Variants in LGMN observed in about 807,000 individuals in gnomAD.
The protein encoded by LGMN is legumain.
Under a neutral mutation model 56.8 loss-of-function variants are expected in LGMN, and 36 were observed. The ratio of observed to expected loss-of-function variants is 0.63; its 90% confidence interval spans 0.49 to 0.84. The LOEUF is 0.84. Ranked by LOEUF, LGMN falls within the 40% of genes least tolerant of loss-of-function variation. The pLI is 0.00. For missense variants in LGMN, 446 were observed against 556.1 expected, an observed-to-expected ratio of 0.80 and a Z score of 1.99; for synonymous variants, 199 against 210.1, an observed-to-expected ratio of 0.95 and a Z score of 0.46.
At chr14:92,734,391 G>A (rs955006721) in intron 1 of LGMN, among the ~76,000 whole-genome samples, 1 of 152,084 alleles carries the variant, frequency 6.6e-6, no homozygotes, top group Non-Finnish European at 1.5e-5. Flanking sequence ...AAGCGGAGGC[G>A]GATGGACCAC....
chr14:92,704,284 G>A lies in LGMN; in HGVS notation c.*35C>T, dbSNP rs771243327. 9 of 1,613,686 alleles carry A rather than the reference G, an allele frequency of 5.6e-6. No homozygotes were observed. Among genetic ancestry groups the A allele is most frequent in the East Asian group, 2.2e-5 (1 of 44,896 alleles). On this transcript the variant is annotated 3_prime_UTR_variant, in exon 14 of 14. Coordinates refer to ENST00000334869, the MANE Select transcript of LGMN (RefSeq NM_005606.7). Reference sequence around the variant, plus strand: ...CTGATCAGCACACAGTCGGTGGGGCGCTCACACTTGGAAAAGCTTCCAGGA... The same window carrying A: ...CTGATCAGCACACAGTCGGTGGGGCACTCACACTTGGAAAAGCTTCCAGGA...
chr14:92,743,526 G>C (rs565154842), intron 1 of LGMN, among the ~76,000 whole-genome samples: 7 of 152,130 alleles, frequency 4.6e-5, no homozygotes, highest in Non-Finnish European at 8.8e-5. Context: ...TCCAGGCCTG[G>C]TGTGGTGGCT....
rs772507311 is a variant in LGMN, at chr14:92,704,168, C to A, written c.*151G>T. 2.2e-6 allele frequency: 2 copies of A among 909,048 alleles called. No homozygotes were observed. Among genetic ancestry groups the A allele is most frequent in the Non-Finnish European group, 3.6e-6 (2 of 548,778 alleles). 56.3% of individuals were successfully genotyped at this position (909,048 alleles called of 1,614,324 possible). On this transcript the variant is annotated 3_prime_UTR_variant, in exon 14 of 14. Transcript: ENST00000334869. ...AAGCAGGTAACAGCGAGCAAGTCAT[C>A]TTGTGAAGAAGGTCCTGGAGCGAGC...
intron 2 of LGMN, among the ~76,000 whole-genome samples, chr14:92,720,098 GTA>G (rs201852531): frequency 0.01 from 1,569 of 152,324 alleles, 22 homozygotes; most frequent in Middle Eastern, 0.02. Flanking sequence ...TGGGTGCTTG[GTA>G]TACAGCTTTT....
At chr14:92,731,433 C>A (rs1891044338) in intron 2 of LGMN, among the ~76,000 whole-genome samples, 1 of 152,194 alleles carries the variant, frequency 6.6e-6, no homozygotes, top group Non-Finnish European at 1.5e-5. Context: ...CAAAGAGAGA[C>A]CCCATGTCCA....
intron 10 of LGMN, 39 bp downstream of exon 10, chr14:92,711,620 C>T (rs879001601): frequency 6.5e-7 from 1 of 1,548,170 alleles, no homozygotes; most frequent in South Asian, 1.1e-5. Flanking sequence ...ACCTAGGACA[C>T]AAGGAACAGA....
chr14:92,729,923 G>A (rs1443311739), intron 2 of LGMN, among the ~76,000 whole-genome samples: 1 of 152,166 alleles, frequency 6.6e-6, no homozygotes, highest in Non-Finnish European at 1.5e-5. Flanking sequence ...CCACTTCTTT[G>A]GCCTTGTTTC....
chr14:92,747,577 G>A (rs1891878560), intron 1 of LGMN, among the ~76,000 whole-genome samples: 3 of 152,212 alleles, frequency 2.0e-5, no homozygotes, highest in Admixed American at 1.3e-4. Context: ...TCTCCCACAA[G>A]TTAGGGTTAG....
intron 2 of LGMN, among the ~76,000 whole-genome samples, chr14:92,722,716 C>T (rs562791321): frequency 3.9e-5 from 6 of 152,288 alleles, no homozygotes; most frequent in South Asian, 4.1e-4. Flanking sequence ...AAACATATAT[C>T]GGATAAAGGG....
intron 13 of LGMN, 58 bp from the exon 14 acceptor site, chr14:92,704,419 C>A: frequency 7.1e-7 from 1 of 1,403,910 alleles, no homozygotes; most frequent in Non-Finnish European, 1.0e-6. Context: ...GAAAGGCAGA[C>A]AAACGCAAAC....
intron 12 of LGMN, among the ~76,000 whole-genome samples, chr14:92,705,525 A>C (rs757778552): frequency 2.0e-5 from 3 of 152,144 alleles, no homozygotes; most frequent in Non-Finnish European, 4.4e-5. Flanking sequence ...AAACAAAAAA[A>C]ACAAGACTGG....
At chr14:92,748,286 A>C (rs945878488) in intron 1 of LGMN, among the ~76,000 whole-genome samples, 1 of 152,056 alleles carries the variant, frequency 6.6e-6, no homozygotes, top group African/African-American at 2.4e-5. Flanking sequence ...AGCCCCACCA[A>C]GCAGAGGCCA....
Position 92,713,827 on chromosome 14 carries a change from C to A in LGMN, c.539G>T (p.Arg180Leu). The part of the protein sequence containing the change: ...IHYMYKHKMY[R>L]KMVFYIEACE... ...CTGCCCCAAGGGCTGAATTACCTTTCGGTACATTTTGTGTTTGTACATGTA... is the reference window on the plus strand; with the variant it reads ...CTGCCCCAAGGGCTGAATTACCTTTAGGTACATTTTGTGTTTGTACATGTA... The change falls in exon 7 of 14, where the codon CGA (arginine) becomes CTA (leucine). Residue 180 changes from arginine to leucine, a missense_variant. Physicochemically the swap from Arg to Leu is moderately radical, Grantham distance 102 (BLOSUM62 -2). Coordinates refer to ENST00000334869, the MANE Select transcript of LGMN (RefSeq NM_005606.7). The A allele has an allele frequency of 6.2e-7, 1 of 1,611,590 alleles. No homozygotes were observed. Among genetic ancestry groups the A allele is most frequent in the Non-Finnish European group, 8.5e-7 (1 of 1,177,688 alleles).
In LGMN at chr14:92,706,641, T is replaced by C. The variant is rs1889446302; in HGVS notation, c.1033A>G (p.Ile345Val). ...ACGATCTTACGCACTGACTTCTCAATGAGGTGCCTGGCCTGGGGAGAAACG... is the reference window on the plus strand; with the variant it reads ...ACGATCTTACGCACTGACTTCTCAACGAGGTGCCTGGCCTGGGGAGAAACG... ...IQRHLDARHL[I>V]EKSVRKIVSL... The change falls in exon 12 of 14, where the codon ATT (isoleucine) becomes GTT (valine). Residue 345 changes from isoleucine to valine, a missense_variant. Coordinates refer to ENST00000334869, the MANE Select transcript of LGMN (RefSeq NM_005606.7). 3.8e-6 allele frequency: 6 copies of C among 1,584,688 alleles called. No individual in the cohort carries two copies. Among genetic ancestry groups the C allele is most frequent in the Non-Finnish European group, 5.2e-6 (6 of 1,157,140 alleles).
chr14:92,722,533 G>A (rs777334866), intron 2 of LGMN, among the ~76,000 whole-genome samples: 11 of 126,338 alleles, frequency 8.7e-5, no homozygotes, highest in Non-Finnish European at 1.7e-4. Flanking sequence ...GCAGTGAGCC[G>A]AGATTACACC....
intron 8 of LGMN, 49 bp downstream of exon 8, chr14:92,712,756 A>C (rs1381128278): frequency 6.4e-7 from 1 of 1,574,360 alleles, no homozygotes; most frequent in African/African-American, 1.3e-5. Flanking sequence ...GCGGTGTCTG[A>C]GCAACCTGCT....
intron 1 of LGMN, among the ~76,000 whole-genome samples, chr14:92,739,963 A>T (rs1180638558): frequency 6.6e-6 from 1 of 151,830 alleles, no homozygotes; most frequent in African/African-American, 2.4e-5. Flanking sequence ...AGAGAGAAAG[A>T]CTCCCAGCTG....
chr14:92,728,425 C>T (rs1246190712), intron 2 of LGMN, among the ~76,000 whole-genome samples: 4 of 152,166 alleles, frequency 2.6e-5, no homozygotes, highest in Admixed American at 1.3e-4. Flanking sequence ...CTGTACTGCA[C>T]GTTACTGTCA....
At chr14:92,708,457 G>A (rs888198072) in intron 11 of LGMN, among the ~76,000 whole-genome samples, 1 of 151,954 alleles carries the variant, frequency 6.6e-6, no homozygotes, top group African/African-American at 2.4e-5. Flanking sequence ...AAATAAAGAG[G>A]CCCAAGACTA....
Sources: gnomAD v4.1 joint callset for allele counts (sites outside exome capture counted in the v4.1 genomes callset) on GRCh38, gnomAD v4.1.1 for gene constraint, MANE v1.5 for transcripts, NCBI Gene and HGNC (gene_info 2026-07-23, HGNC 2026-07-21) for gene names.